GSTA5: variants seen among roughly 807,000 people sequenced by gnomAD.
GSTA5 encodes the protein glutathione S-transferase alpha 5.
GSTA5 carries 25 observed loss-of-function variants against 21.8 expected under a neutral mutation model. That is an observed-to-expected ratio of 1.14 (90% CI 0.83 to 1.60). The LOEUF (loss-of-function observed/expected upper bound fraction) is 1.60. GSTA5 is among the 40% of genes most tolerant of loss of function. The probability of loss-of-function intolerance (pLI) is 0.00; values close to 1 mark genes in which losing one functional copy is unlikely to be tolerated. For synonymous variants in GSTA5, 102 were observed against 89.5 expected (o/e 1.14, Z -0.78); for missense variants, 330 against 259.2 (o/e 1.27, Z -1.88).
upstream of GSTA5, among the ~76,000 whole-genome samples, chr6:52,842,736 G>T (rs1272905172): frequency 6.6e-6 from 1 of 152,114 alleles, no homozygotes; most frequent in Non-Finnish European, 1.5e-5. Flanking sequence ...AAGTATGTAT[G>T]ACTTAAATTT....
intron 3 of GSTA5, among the ~76,000 whole-genome samples, chr6:52,835,869 A>G (rs1270851878): frequency 6.6e-6 from 1 of 152,094 alleles, no homozygotes; most frequent in African/African-American, 2.4e-5. Context: ...GCCTTCATCT[A>G]CAGACTCTCA....
chr6:52,840,955 T>C, upstream of GSTA5: 1 of 696,002 alleles, frequency 1.4e-6, no homozygotes, highest in African/African-American at 1.8e-5. Context: ...CATGACTGGG[T>C]TGAAGGAGTT....
At chr6:52,840,067 TAC>T (rs1361840807) in intron 1 of GSTA5, among the ~76,000 whole-genome samples, 2 of 152,256 alleles carry the variant, frequency 1.3e-5, no homozygotes, top group African/African-American at 2.4e-5. Context: ...TCCACTCCCT[TAC>T]ACCTCTCATT....
intron 2 of GSTA5, 65 bp from the exon 3 acceptor site, chr6:52,836,433 A>AAAT: frequency 1.1e-5 from 17 of 1,512,026 alleles, no homozygotes; most frequent in Middle Eastern, 1.7e-4. Flanking sequence ...GGGATGAAAA[A>AAAT]AATGGTTATG....
In GSTA5 at chr6:52,834,301, C is replaced by G; in HGVS notation, c.273-19G>C. 6.3e-7 allele frequency: 1 copy of G among 1,596,194 alleles called. No homozygotes were observed. Among genetic ancestry groups the G allele is most frequent in the East Asian group, 2.2e-5 (1 of 44,690 alleles). ...ATCAATCCTGAAAGACAAAAACAAC[C>G]AAACCATCAAATGCCTTTTGCCTTA... On this transcript the variant is annotated intron_variant, in intron 3 of 5. Transcript: ENST00000370989.
At chr6:52,836,279 T>C (rs1301713461) in exon 3 of GSTA5, 1 of 1,613,980 alleles carries the variant, frequency 6.2e-7, no homozygotes, top group Non-Finnish European at 8.5e-7. Flanking sequence ...TTGTATTTGC[T>C]GGCAATGTAG....
upstream of GSTA5, among the ~76,000 whole-genome samples, chr6:52,843,277 T>C (rs1440715393): frequency 6.6e-6 from 1 of 152,240 alleles, no homozygotes; most frequent in Non-Finnish European, 1.5e-5. Flanking sequence ...AGTAATGGGA[T>C]TGCTGGGTCA....
upstream of GSTA5, among the ~76,000 whole-genome samples, chr6:52,844,507 G>T (rs1216643621): frequency 6.6e-6 from 1 of 152,118 alleles, no homozygotes; most frequent in Non-Finnish European, 1.5e-5. Context: ...TAATTTGAAA[G>T]GAATATAAGC....
intron 5 of GSTA5, among the ~76,000 whole-genome samples, chr6:52,832,654 G>C (rs1389082205): frequency 1.3e-5 from 2 of 152,154 alleles, no homozygotes; most frequent in African/African-American, 4.8e-5. Context: ...CTCTTCATGG[G>C]TTAGCATGCA....
upstream of GSTA5, among the ~76,000 whole-genome samples, chr6:52,842,321 T>C (rs1220111257): frequency 6.6e-6 from 1 of 152,062 alleles, no homozygotes; most frequent in Non-Finnish European, 1.5e-5. Context: ...AGCTCTGTGA[T>C]TAAACATTAA....
intron 5 of GSTA5, among the ~76,000 whole-genome samples, chr6:52,832,217 A>T (rs767988988): frequency 2.6e-5 from 4 of 152,336 alleles, no homozygotes; most frequent in South Asian, 2.1e-4. Context: ...TTCTCCTTAC[A>T]TATTAATCCT....
exon 6 of GSTA5, chr6:52,831,798 A>C (rs755346615): frequency 1.2e-6 from 2 of 1,606,692 alleles, no homozygotes; most frequent in Admixed American, 1.7e-5. Flanking sequence ...TCATTGTTGC[A>C]AACTGTAGAA....
intron 3 of GSTA5, 129 bp from the exon 4 acceptor site, chr6:52,834,411 G>C: frequency 1.3e-6 from 1 of 783,562 alleles, no homozygotes; most frequent in Non-Finnish European, 2.0e-6. Flanking sequence ...CCTTTTATAC[G>C]CTAGTCATTA....
At chr6:52,832,716 C>G in intron 5 of GSTA5, 143 bp downstream of exon 5, 1 of 1,368,756 alleles carries the variant, frequency 7.3e-7, no homozygotes. Flanking sequence ...AAAATTGGAG[C>G]CTGGAAGCTC....
upstream of GSTA5, among the ~76,000 whole-genome samples, chr6:52,844,549 T>C (rs547588803): frequency 6.6e-6 from 1 of 152,316 alleles, no homozygotes; most frequent in East Asian, 1.9e-4. Context: ...TTAAAAGAAT[T>C]ACATCTCTGA....
chr6:52,837,500 G>C lies in GSTA5; in HGVS notation c.139+58C>G, dbSNP rs898050623. 10 of 1,127,608 alleles carry C rather than the reference G, an allele frequency of 8.9e-6. No homozygotes were observed. In the Admixed American group the frequency reaches 1.1e-4, roughly 12 times the overall value. The allele number at this position is 1,127,608 out of a possible 1,614,324, so 69.9% of individuals were successfully genotyped here. A position where few individuals can be genotyped will look rare whatever the true frequency, so the allele number is the denominator to read the frequency against. Reference sequence around the variant, plus strand: ...ACATAGGTATTCCTGGCTGCTCAACGTTCCTCTGTACCTTCTACTAGAAAC... The same window carrying C: ...ACATAGGTATTCCTGGCTGCTCAACCTTCCTCTGTACCTTCTACTAGAAAC... On this transcript the variant is annotated intron_variant, in intron 2 of 5. Coordinates refer to ENST00000370989, the Ensembl canonical transcript of GSTA5.
chr6:52,834,354 A>G (rs1764263918), intron 3 of GSTA5, 72 bp from the exon 4 acceptor site: 7 of 1,474,874 alleles, frequency 4.7e-6, no homozygotes, highest in South Asian at 2.6e-5. Context: ...AAAACCTAAG[A>G]AAATAGAGGG....
At chr6:52,844,965 C>T (rs895434912), upstream of GSTA5, among the ~76,000 whole-genome samples, 2 of 152,100 alleles carry the variant, frequency 1.3e-5, no homozygotes, top group African/African-American at 2.4e-5. Context: ...ATCTATCAAT[C>T]GTTCTATGCA....
At chr6:52,842,347 G>T (rs1764388565), upstream of GSTA5, among the ~76,000 whole-genome samples, 1 of 149,626 alleles carries the variant, frequency 6.7e-6, no homozygotes, top group South Asian at 2.1e-4. Context: ...TTCTTGCAAA[G>T]TTTTGTGGTT....
Sources: allele counts gnomAD v4.1 joint callset (sites outside exome capture counted in the v4.1 genomes callset), GRCh38; gene constraint gnomAD v4.1.1; transcripts MANE v1.5; gene names NCBI Gene and HGNC (gene_info 2026-07-23, HGNC 2026-07-21).